The following PANX1 variants were observed in gnomAD, a reference collection of about 807,000 sequenced individuals.
PANX1 encodes the protein pannexin 1.
In PANX1, 30 loss-of-function variants were observed where a neutral mutation model predicts 38.7. The ratio of observed to expected loss-of-function variants is 0.78; its 90% CI spans 0.58 to 1.05. The LOEUF is 1.05. Among genes scored for constraint, PANX1 ranks in the 50% least tolerant of loss-of-function variants. The probability of loss-of-function intolerance (pLI) is 0.00; values close to 1 mark genes in which losing one functional copy is unlikely to be tolerated. For synonymous variants in PANX1, 230 were observed against 212.2 expected (o/e 1.08, Z -0.73); for missense variants, 551 against 517.2 (o/e 1.07, Z -0.63).
At chr11:94,130,418 A>G (rs539669532) in intron 1 of PANX1, among the ~76,000 whole-genome samples, 6 of 152,380 alleles carry the variant, frequency 3.9e-5, no homozygotes, top group African/African-American at 1.4e-4. Context: ...TCTCCTAGCC[A>G]AGGCAGGAGG....
intron 2 of PANX1, among the ~76,000 whole-genome samples, chr11:94,166,939 G>A (rs1947108588): frequency 1.3e-5 from 2 of 152,140 alleles, no homozygotes; most frequent in African/African-American, 4.8e-5. Flanking sequence ...CTTGTCCAAG[G>A]CCTACAGTTA....
At chr11:94,144,435 AGGT>A (rs1946803098) in intron 1 of PANX1, among the ~76,000 whole-genome samples, 1 of 151,834 alleles carries the variant, frequency 6.6e-6, no homozygotes, top group South Asian at 2.1e-4. Context: ...TGTCTCCACC[AGGT>A]GAACTCCACC....
chr11:94,132,868 T>C (rs567413583), intron 1 of PANX1, among the ~76,000 whole-genome samples: 7 of 152,372 alleles, frequency 4.6e-5, no homozygotes, highest in African/African-American at 1.7e-4. Flanking sequence ...AAAGAAAATC[T>C]ATTAAATCAA....
chr11:94,178,500 C>A lies in PANX1; in HGVS notation c.453C>A (p.Asn151Lys). ...TGGAAGAACTTGACAAAGTTTACAA[C>A]CGTGCAATTAAGGCTGCAAAGAGTG... ...FIMEELDKVY[N>K]RAIKAAKSAR... Residue 151 changes from asparagine (N) to lysine (K), a missense_variant, in exon 3 of 5, where the codon AAC becomes AAA. By Grantham distance (94) the Asn-to-Lys change is moderately conservative. Transcript: ENST00000227638. 1.2e-6 allele frequency: 2 copies of A among 1,614,114 alleles called. No homozygotes were observed. The highest frequency in any genetic ancestry group is 1.7e-6 in the Non-Finnish European group (2 of 1,179,998).
At chr11:94,179,542 C>A in intron 3 of PANX1, 60 bp from the exon 4 acceptor site, 1 of 1,266,248 alleles carries the variant, frequency 7.9e-7, no homozygotes, top group Non-Finnish European at 1.1e-6. Flanking sequence ...GTGTATCTGC[C>A]TTTAATATTT....
chr11:94,157,560 C>G (rs1481319399), intron 2 of PANX1, among the ~76,000 whole-genome samples: 2 of 152,102 alleles, frequency 1.3e-5, no homozygotes, highest in Non-Finnish European at 2.9e-5. Context: ...TGTTCATGTC[C>G]TTCGCCCACT....
chr11:94,179,295 G>T (rs1947274811), intron 3 of PANX1, among the ~76,000 whole-genome samples: 1 of 152,048 alleles, frequency 6.6e-6, no homozygotes, highest in Non-Finnish European at 1.5e-5. Context: ...CCCACCCCTT[G>T]CCTGTAAGAG....
intron 2 of PANX1, among the ~76,000 whole-genome samples, chr11:94,162,663 TC>T (rs964818580): frequency 6.6e-6 from 1 of 152,148 alleles, no homozygotes; most frequent in African/African-American, 2.4e-5. Flanking sequence ...CCCTTGCGCT[TC>T]CCGGGTGAGG....
chr11:94,137,442 C>T (rs997166136), intron 1 of PANX1, among the ~76,000 whole-genome samples: 2 of 152,130 alleles, frequency 1.3e-5, no homozygotes, highest in Non-Finnish European at 2.9e-5. Flanking sequence ...GGATTGCTTC[C>T]TTGTCAAACC....
intron 2 of PANX1, among the ~76,000 whole-genome samples, chr11:94,176,510 A>G (rs1237850713): frequency 2.0e-5 from 3 of 151,706 alleles, no homozygotes; most frequent in Non-Finnish European, 4.4e-5. Context: ...TCTTAGTCTT[A>G]ACAAATATAT....
At chr11:94,137,119 C>T (rs568053434) in intron 1 of PANX1, among the ~76,000 whole-genome samples, 7 of 152,096 alleles carry the variant, frequency 4.6e-5, no homozygotes, top group Admixed American at 3.3e-4. Context: ...TCCTGGCCAA[C>T]GTGATGAAAC....
chr11:94,171,955 G>T (rs1947174551), intron 2 of PANX1, among the ~76,000 whole-genome samples: 1 of 150,010 alleles, frequency 6.7e-6, no homozygotes, highest in Admixed American at 6.6e-5. Context: ...AGTTTAGAAT[G>T]CGGGAGGCAA....
chr11:94,149,976 T>G (rs1423271226), intron 1 of PANX1, among the ~76,000 whole-genome samples: 1 of 152,164 alleles, frequency 6.6e-6, no homozygotes, highest in Non-Finnish European at 1.5e-5. Context: ...GACATATATG[T>G]CTATGTGACA....
chr11:94,135,908 C>G (rs573008694), intron 1 of PANX1, among the ~76,000 whole-genome samples: 3 of 152,148 alleles, frequency 2.0e-5, no homozygotes, highest in Admixed American at 6.5e-5. Flanking sequence ...GAGAGCTTTC[C>G]GTGCCAGTAC....
intron 2 of PANX1, among the ~76,000 whole-genome samples, chr11:94,154,492 C>T (rs1439501821): frequency 6.6e-6 from 1 of 152,174 alleles, no homozygotes; most frequent in East Asian, 1.9e-4. Context: ...GAATGTGTAT[C>T]TTCTGGTATT....
chr11:94,162,477 A>C (rs906707645), intron 2 of PANX1, among the ~76,000 whole-genome samples: 1 of 152,146 alleles, frequency 6.6e-6, no homozygotes, highest in Non-Finnish European at 1.5e-5. Context: ...CTGCTGTGCT[A>C]GCAATGAGCG....
At position 94,181,095 on chromosome 11, in the gene PANX1, C is replaced by G. The variant is rs1162001488; in HGVS notation, c.*226C>G. 1.9e-6 allele frequency: 1 copy of G among 527,998 alleles called. No homozygotes were observed. Among genetic ancestry groups the G allele is most frequent in the East Asian group, 3.0e-5 (1 of 32,826 alleles). The allele number at this position is 527,998 out of a possible 1,614,324, so 32.7% of individuals were successfully genotyped here. ...GCACCTGAGAGATAGTAAACTGCAGCAAGTAACTATGTGTAAGTCCTCATC... is the reference window on the plus strand; with the variant it reads ...GCACCTGAGAGATAGTAAACTGCAGGAAGTAACTATGTGTAAGTCCTCATC... On this transcript the variant is annotated 3_prime_UTR_variant, in exon 5 of 5. Transcript: ENST00000227638.
chr11:94,171,761 T>C (rs1947170944), intron 2 of PANX1, among the ~76,000 whole-genome samples: 2 of 151,372 alleles, frequency 1.3e-5, no homozygotes, highest in Admixed American at 1.3e-4. Context: ...TTTCTCCCTG[T>C]CTTCCTCCTC....
chr11:94,139,970 A>G (rs1946742602), intron 1 of PANX1, among the ~76,000 whole-genome samples: 1 of 152,246 alleles, frequency 6.6e-6, no homozygotes, highest in African/African-American at 2.4e-5. Flanking sequence ...GGGTTGTAGG[A>G]ATCCTCAATT....
Sources: gnomAD v4.1 joint callset for allele counts (sites outside exome capture counted in the v4.1 genomes callset) on GRCh38, gnomAD v4.1.1 for gene constraint, MANE v1.5 for transcripts, NCBI Gene and HGNC (gene_info 2026-07-23, HGNC 2026-07-21) for gene names.